The following LRMDA variants were observed in gnomAD, a reference collection of about 807,000 sequenced individuals.
The protein encoded by LRMDA is leucine-rich melanocyte differentiation-associated protein.
Under a neutral mutation model 29.8 loss-of-function variants are expected in LRMDA, and 18 were observed. That is an observed-to-expected ratio of 0.60 (90% CI 0.42 to 0.90). The LOEUF is 0.90. LRMDA is among the 40% of genes least tolerant of loss of function. LRMDA has a pLI of 0.00. For synonymous variants in LRMDA, 125 were observed against 109.4 expected, an observed-to-expected ratio of 1.14 and a Z score of -0.89; for missense variants, 273 against 273.9, an observed-to-expected ratio of 1.00 and a Z score of 0.02.
intron 5 of LRMDA, 104 bp downstream of exon 5, chr10:76,058,887 G>A (rs764590822): frequency 1.2e-5 from 11 of 886,634 alleles, no homozygotes; most frequent in South Asian, 8.4e-5. Flanking sequence ...AATGCAGTTG[G>A]AATCTCACAT....
chr10:75,971,178 C>T (rs1411948874), intron 2 of LRMDA, among the ~76,000 whole-genome samples: 1 of 152,206 alleles, frequency 6.6e-6, no homozygotes, highest in African/African-American at 2.4e-5. Context: ...AAGAAATTCA[C>T]ATTGGTCTGT....
chr10:76,361,050 C>T (rs1018963054), intron 6 of LRMDA, among the ~76,000 whole-genome samples: 1 of 152,010 alleles, frequency 6.6e-6, no homozygotes, highest in African/African-American at 2.4e-5. Flanking sequence ...CGCTGGACGT[C>T]AGGAGTTCAA....
intron 6 of LRMDA, among the ~76,000 whole-genome samples, chr10:76,515,691 A>C (rs1340842847): frequency 6.6e-6 from 1 of 152,064 alleles, no homozygotes; most frequent in African/African-American, 2.4e-5. Flanking sequence ...TTTTTTGTAG[A>C]GACATAGTTT....
At chr10:76,262,128 A>G (rs1839951033) in intron 5 of LRMDA, among the ~76,000 whole-genome samples, 1 of 152,172 alleles carries the variant, frequency 6.6e-6, no homozygotes, top group African/African-American at 2.4e-5. Context: ...AGTCCCAGCT[A>G]CCCAGGAGGT....
chr10:76,410,204 G>A lies in LRMDA; in HGVS notation c.601+85719G>A, dbSNP rs114504795. 3.6e-3 allele frequency among the ~76,000 whole-genome samples: 541 copies of A among 151,904 alleles called. 3 individuals are homozygous for A. The highest frequency in any genetic ancestry group is 0.013 in the African/African-American group (524 of 41,416). On this transcript the variant is annotated intron_variant, in intron 6 of 6. Coordinates refer to ENST00000611255, the MANE Select transcript of LRMDA (RefSeq NM_001305581.2). Reference sequence around the variant, plus strand: ...TAAGGAGGTGATCGAGGAGCTAATAGCGGAGGTGCATGGGGTAAGATCATG... The same window carrying A: ...TAAGGAGGTGATCGAGGAGCTAATAACGGAGGTGCATGGGGTAAGATCATG...
chr10:76,454,916 T>A (rs1842442276), intron 6 of LRMDA, among the ~76,000 whole-genome samples: 1 of 152,196 alleles, frequency 6.6e-6, no homozygotes, highest in South Asian at 2.1e-4. Context: ...CTGGTTTGAC[T>A]GGGGCCAAGT....
chr10:75,739,502 G>A (rs1490623988), intron 2 of LRMDA, among the ~76,000 whole-genome samples: 1 of 152,186 alleles, frequency 6.6e-6, no homozygotes, highest in Admixed American at 6.5e-5. Flanking sequence ...GCAGAACAGG[G>A]TGCAAGAACC....
chr10:75,638,381 C>T (rs1171490599), intron 2 of LRMDA, among the ~76,000 whole-genome samples: 2 of 152,206 alleles, frequency 1.3e-5, no homozygotes, highest in Non-Finnish European at 2.9e-5. Context: ...TTGAGAATAG[C>T]ATCAAAAATT....
chr10:76,009,853 C>G (rs965981600), intron 2 of LRMDA, among the ~76,000 whole-genome samples: 1 of 151,988 alleles, frequency 6.6e-6, no homozygotes, highest in Non-Finnish European at 1.5e-5. Flanking sequence ...TGCCTCCTCC[C>G]CCAGCCCCTC....
At chr10:76,409,039 AG>A (rs1841931110) in intron 6 of LRMDA, among the ~76,000 whole-genome samples, 1 of 152,200 alleles carries the variant, frequency 6.6e-6, no homozygotes, top group Non-Finnish European at 1.5e-5. Context: ...TACCATCTGG[AG>A]ACTCCAAGGA....
chr10:75,960,052 G>A (rs1256027325), intron 2 of LRMDA, among the ~76,000 whole-genome samples: 1 of 152,152 alleles, frequency 6.6e-6, no homozygotes, highest in Non-Finnish European at 1.5e-5. Flanking sequence ...CTGCTACTCT[G>A]GTTCCTAAAT....
intron 5 of LRMDA, among the ~76,000 whole-genome samples, chr10:76,166,446 C>T (rs10762701): frequency 0.36 from 55,420 of 152,010 alleles, 11,898 homozygotes; most frequent in East Asian, 0.77. Context: ...TTAGTTACTT[C>T]TCCTGATCCT....
intron 2 of LRMDA, among the ~76,000 whole-genome samples, chr10:75,822,495 A>C (rs1481753034): frequency 6.6e-6 from 1 of 152,216 alleles, no homozygotes; most frequent in Admixed American, 6.5e-5. Context: ...AAAAAGCCTG[A>C]ATAGCCAAAG....
intron 6 of LRMDA, among the ~76,000 whole-genome samples, chr10:76,409,841 ACTT>A (rs1841939407): frequency 6.6e-6 from 1 of 152,244 alleles, no homozygotes; most frequent in East Asian, 1.9e-4. Context: ...GGCAAAATGA[ACTT>A]CTGCTCTCCC....
intron 6 of LRMDA, among the ~76,000 whole-genome samples, chr10:76,336,765 C>G (rs1415780936): frequency 6.6e-6 from 1 of 152,164 alleles, no homozygotes; most frequent in African/African-American, 2.4e-5. Flanking sequence ...TGGATTAGCT[C>G]TTTATTCCTT....
intron 6 of LRMDA, among the ~76,000 whole-genome samples, chr10:76,428,978 G>A (rs1334482898): frequency 6.6e-6 from 1 of 151,610 alleles, no homozygotes; most frequent in Non-Finnish European, 1.5e-5. Context: ...GCTGAGAAGT[G>A]GACTGAAACC....
At chr10:75,945,869 T>A (rs1332479176) in intron 2 of LRMDA, among the ~76,000 whole-genome samples, 2 of 152,104 alleles carry the variant, frequency 1.3e-5, no homozygotes, top group Non-Finnish European at 2.9e-5. Context: ...ATTTTAGAGA[T>A]GGGGAAATAA....
rs145337757 is a variant in LRMDA at position 76,161,457 on chromosome 10, T to C, written c.516+102674T>C. 1.0e-3 allele frequency among the ~76,000 whole-genome samples: 155 copies of C among 152,312 alleles called. 3 individuals are homozygous for C. The East Asian group carries it at 0.027, about 27-fold the overall frequency. On this transcript the variant is annotated intron_variant, in intron 5 of 6. Transcript: ENST00000611255. ...ACGTGCTAGAGCCGGTCTTTCTTCTTCACGTCAGAAATGTCTGTGCTGTCA... is the reference window on the plus strand; with the variant it reads ...ACGTGCTAGAGCCGGTCTTTCTTCTCCACGTCAGAAATGTCTGTGCTGTCA...
intron 2 of LRMDA, among the ~76,000 whole-genome samples, chr10:75,831,114 C>T (rs1589221841): frequency 2.6e-5 from 4 of 151,678 alleles, no homozygotes; most frequent in East Asian, 1.9e-4. Flanking sequence ...GGCGTGATCT[C>T]GGCTCACTGC....
Sources: gnomAD v4.1 joint callset for allele counts (sites outside exome capture counted in the v4.1 genomes callset) on GRCh38, gnomAD v4.1.1 for gene constraint, MANE v1.5 for transcripts, NCBI Gene and HGNC (gene_info 2026-07-23, HGNC 2026-07-21) for gene names.